SLC3A2: variants seen among roughly 807,000 people sequenced by gnomAD.
SLC3A2 encodes amino acid transporter heavy chain SLC3A2.
Under a neutral mutation model 48.5 loss-of-function variants are expected in SLC3A2, and 32 were observed. The ratio of observed to expected loss-of-function variants is 0.66; its 90% CI spans 0.50 to 0.89. The LOEUF (loss-of-function observed/expected upper bound fraction) is 0.89. Ranked by LOEUF, SLC3A2 falls within the 40% of genes least tolerant of loss-of-function variation. SLC3A2 has a pLI of 0.00. For synonymous variants in SLC3A2, 277 were observed against 288.8 expected (o/e 0.96, Z 0.41); for missense variants, 587 against 680.7 (o/e 0.86, Z 1.53).
intron 1 of SLC3A2, among the ~76,000 whole-genome samples, chr11:62,864,666 C>G (rs1311415940): frequency 6.6e-6 from 1 of 151,866 alleles, no homozygotes; most frequent in Non-Finnish European, 1.5e-5. Flanking sequence ...CGGGGTTTCA[C>G]TGTGTTAGCC....
At chr11:62,887,120 A>C (rs907972978) in intron 7 of SLC3A2, among the ~76,000 whole-genome samples, 1 of 152,212 alleles carries the variant, frequency 6.6e-6, no homozygotes. Context: ...CACTGAGGAT[A>C]CAGCATTGCA....
At chr11:62,880,364 G>C (rs529603797), upstream of SLC3A2, 2 of 152,428 alleles carry the variant, frequency 1.3e-5, no homozygotes, top group African/African-American at 4.8e-5. Flanking sequence ...GGAGTAAGCC[G>C]TGCACGGAAG....
chr11:62,874,338 A>G (rs1590627223), intron 1 of SLC3A2, among the ~76,000 whole-genome samples: 1 of 152,088 alleles, frequency 6.6e-6, no homozygotes, highest in Non-Finnish European at 1.5e-5. Context: ...GTACTACCCC[A>G]TATTTTCCAC....
Position 62,881,396 on chromosome 11 carries a change from C to T in SLC3A2, c.373C>T (p.Arg125Cys), listed in dbSNP as rs1171267554. Residue 125 changes from arginine to cysteine, a missense_variant, in exon 1 of 9, where the codon CGC becomes TGC. Around this residue, in one of 3 missense-constraint regions of SLC3A2, gnomAD observed 409 missense variants for 446.7 expected, o/e 0.92. Coordinates refer to ENST00000338663, the MANE Select transcript of SLC3A2 (RefSeq NM_001013251.3). This position sits in a 1 kb window ranked among gnomAD's most constrained non-coding sequence, Gnocchi z 4.0. Reference protein sequence around the residue: ...QKWWHTGALYRIGDLQAFQGH... With the variant: ...QKWWHTGALYCIGDLQAFQGH... The stretch of plus-strand genomic sequence containing the variant: ...GTGGTGGCACACGGGCGCCCTCTAC[C>T]GCATCGGCGACCTTCAGGCCTTCCA... 1.3e-6 allele frequency: 2 copies of T among 1,595,964 alleles called. No homozygotes were observed. The highest frequency in any genetic ancestry group is 1.7e-6 in the Non-Finnish European group (2 of 1,177,888).
At chr11:62,860,977 C>T (rs2085392671) in intron 1 of SLC3A2, among the ~76,000 whole-genome samples, 1 of 152,176 alleles carries the variant, frequency 6.6e-6, no homozygotes, top group Non-Finnish European at 1.5e-5. Context: ...AACGGTGTTT[C>T]AAGGCAGAAT....
intron 3 of SLC3A2, 88 bp from the exon 4 acceptor site, chr11:62,884,369 G>C: frequency 1.4e-6 from 2 of 1,405,648 alleles, no homozygotes; most frequent in Non-Finnish European, 2.0e-6. Flanking sequence ...GGGGAAGTGT[G>C]TGGTGGGTGA....
intron 2 of SLC3A2, chr11:62,882,340 C>T (rs1054756287): frequency 2.8e-5 from 11 of 392,352 alleles, no homozygotes; most frequent in African/African-American, 4.2e-5. Flanking sequence ...TGGTTTTAAA[C>T]TTGTAAAACA....
chr11:62,881,644 C>T lies in SLC3A2; in HGVS notation c.424+197C>T. 3 of 940,340 alleles carry T rather than the reference C, an allele frequency of 3.2e-6. No individual in the cohort carries two copies. In the East Asian group the frequency reaches 8.0e-5, roughly 25 times the overall value. The allele number at this position is 940,340 out of a possible 1,614,324, so 58.2% of individuals were successfully genotyped here. ...TTGAAGAAAGCCGACCCGCCCCTCA[C>T]TCCGTCACGAGGGTGGGTGACTCAG... On this transcript the variant is annotated intron_variant, in intron 1 of 8. Coordinates refer to ENST00000338663, the MANE Select transcript of SLC3A2 (RefSeq NM_001013251.3). The surrounding 1 kb of genome is among the most constrained non-coding windows in gnomAD (Gnocchi z 4.0).
chr11:62,885,220 C>CT lies in SLC3A2; in HGVS notation c.863dup (p.Ser289GlufsTer13). On this transcript the variant is annotated frameshift_variant, in exon 6 of 9. Transcript: ENST00000338663. LOFTEE classifies it high-confidence loss of function. ...TAACTCCTCCGACCTTCAGCAGATC[C>CT]TGAGCCTACTCGAATCCAACAAAGA... 6.2e-7 allele frequency: 1 copy of CT among 1,614,196 alleles called. No homozygotes were observed. The highest frequency in any genetic ancestry group is 8.5e-7 in the Non-Finnish European group (1 of 1,180,046).
At chr11:62,884,603 G>A in intron 4 of SLC3A2, 29 bp from the exon 5 acceptor site, 1 of 1,612,170 alleles carries the variant, frequency 6.2e-7, no homozygotes, top group Non-Finnish European at 8.5e-7. Flanking sequence ...AATATTCTCT[G>A]GTCCTTGATT....
chr11:62,861,964 CA>C (rs11318752), intron 1 of SLC3A2, among the ~76,000 whole-genome samples: 81,521 of 145,764 alleles, frequency 0.56, 23,336 homozygotes, highest in Non-Finnish European at 0.63. Context: ...AGCTCACAAT[CA>C]GTTCAGTGCC....
intron 1 of SLC3A2, among the ~76,000 whole-genome samples, chr11:62,856,946 C>T (rs1329786544): frequency 1.3e-5 from 2 of 151,848 alleles, no homozygotes; most frequent in African/African-American, 4.8e-5. Context: ...GCCTCAGCCT[C>T]CTGAGTAGCT....
chr11:62,886,375 T>A (rs2085714256), intron 7 of SLC3A2: 1 of 151,868 alleles, frequency 6.6e-6, no homozygotes, highest in Non-Finnish European at 1.5e-5. Context: ...GATACAGGGT[T>A]ACTGTTGATC....
At chr11:62,871,746 A>G in intron 1 of SLC3A2, 1 of 482,340 alleles carries the variant, frequency 2.1e-6, no homozygotes, top group Non-Finnish European at 3.7e-6. Flanking sequence ...TTTTTCTTTA[A>G]AGATATCTTT....
chr11:62,888,684 C>T lies in SLC3A2; in HGVS notation c.1581C>T (p.Tyr527=), dbSNP rs770744179. ...AAGGGCTGCTGCTCCGCTTCCCCTA[C>T]GCGGCCTGACTTCAGCCTGACATGG... ...PHEGLLLRFP[Y]AA Residue 527 remains tyrosine (Y), a synonymous_variant, in exon 9 of 9, where the codon TAC becomes TAT. Coordinates refer to ENST00000338663, the MANE Select transcript of SLC3A2 (RefSeq NM_001013251.3). The T allele has an allele frequency of 1.3e-5, 21 of 1,591,038 alleles. No homozygotes were observed. Among genetic ancestry groups the T allele is most frequent in the African/African-American group, 2.7e-5 (2 of 74,774 alleles).
rs2085625464 is a variant in SLC3A2 at position 62,880,940 on chromosome 11, A to T, written c.-84A>T. ...GCGCGGAGGCACAGAGGCCGGGGAG[A>T]GCGTTCTGGGTCCGAGGGTCCAGGT... On this transcript the variant is annotated 5_prime_UTR_variant, in exon 1 of 9. Transcript: ENST00000338663. The T allele has an allele frequency of 1.4e-6, 2 of 1,478,330 alleles. No homozygotes were observed. Among genetic ancestry groups the T allele is most frequent in the South Asian group, 2.8e-5 (2 of 70,180 alleles). The allele number at this position is 1,478,330 out of a possible 1,614,324, so 91.6% of individuals were successfully genotyped here. A position where few individuals can be genotyped will look rare whatever the true frequency, so the allele number is the denominator to read the frequency against.
intron 1 of SLC3A2, among the ~76,000 whole-genome samples, chr11:62,864,657 G>A (rs2085434268): frequency 1.3e-5 from 2 of 151,696 alleles, no homozygotes; most frequent in East Asian, 1.9e-4. Flanking sequence ...TAGTAGAGAC[G>A]GGGTTTCACT....
chr11:62,887,933 T>C, intron 7 of SLC3A2: 1 of 509,524 alleles, frequency 2.0e-6, no homozygotes, highest in Non-Finnish European at 3.6e-6. Flanking sequence ...TCTGGGACTA[T>C]AGGGATGTAA....
intron 1 of SLC3A2, among the ~76,000 whole-genome samples, chr11:62,868,601 G>A (rs1336825389): frequency 2.6e-5 from 4 of 151,476 alleles, no homozygotes; most frequent in Non-Finnish European, 4.4e-5. Flanking sequence ...TCCTCACCTC[G>A]TGATCTGCCC....
Sources: gnomAD v4.1 joint callset for allele counts (sites outside exome capture counted in the v4.1 genomes callset) on GRCh38, gnomAD v4.1.1 for gene constraint, gnomAD v4.1.1 regional missense constraint, Gnocchi (gnomAD v3.1) non-coding constraint, MANE v1.5 for transcripts, NCBI Gene and HGNC (gene_info 2026-07-23, HGNC 2026-07-21) for gene names.